ASCC2: variants seen among roughly 807,000 people sequenced by gnomAD.
The protein encoded by ASCC2 is activating signal cointegrator 1 complex subunit 2.
Under a neutral mutation model 93.5 loss-of-function variants are expected in ASCC2, and 42 were observed. The observed-to-expected ratio is 0.45, with a 90% CI of 0.35 to 0.58. The LOEUF (loss-of-function observed/expected upper bound fraction) is 0.58. ASCC2 is among the 20% of genes least tolerant of loss of function. ASCC2 has a pLI of 0.00. For synonymous variants in ASCC2, 364 were observed against 384.2 expected (o/e 0.95, Z 0.62); for missense variants, 859 against 977.6 (o/e 0.88, Z 1.62).
rs760180443 is a variant in ASCC2, at chr22:29,793,397, T to C, written c.1882A>G (p.Asn628Asp). The change falls in exon 17 of 20, where the codon AAT (asparagine) becomes GAT (aspartate). Residue 628 changes from asparagine to aspartate, a missense_variant. Asn to Asp is a conservative substitution (Grantham distance 23). Transcript: ENST00000307790. ...DTYDGNQVGA[N>D]DADSDDELIS... The stretch of plus-strand genomic sequence containing the variant: ...AGCTCGTCATCAGAGTCTGCATCAT[T>C]GGCGCCCACCTGGTTGCCATCGTAT... 13 of 1,613,878 alleles carry C rather than the reference T, an allele frequency of 8.1e-6. No homozygotes were observed. The highest frequency in any genetic ancestry group is 1.0e-5 in the Non-Finnish European group (12 of 1,180,030).
chr22:29,826,298 T>C (rs2062309951), intron 2 of ASCC2, among the ~76,000 whole-genome samples: 1 of 151,764 alleles, frequency 6.6e-6, no homozygotes, highest in Admixed American at 6.6e-5. Flanking sequence ...AGAACATATA[T>C]TCATATATTA....
chr22:29,801,914 A>G, intron 14 of ASCC2, 80 bp downstream of exon 14: 1 of 1,195,776 alleles, frequency 8.4e-7, no homozygotes, highest in Non-Finnish European at 1.2e-6. Context: ...TGGGCCATGA[A>G]TGAGGGAAGG....
At chr22:29,794,609 T>C (rs545507748) in intron 15 of ASCC2, among the ~76,000 whole-genome samples, 1 of 152,354 alleles carries the variant, frequency 6.6e-6, no homozygotes, top group East Asian at 1.9e-4. Context: ...TGATTAGGGA[T>C]TTTCTTTTCA....
At chr22:29,813,409 C>A (rs1040235411) in intron 8 of ASCC2, 21 bp downstream of exon 8, 32 of 1,498,068 alleles carry the variant, frequency 2.1e-5, no homozygotes, top group Non-Finnish European at 3.0e-5. Context: ...TCTATTTCAA[C>A]AGCCAGAACT....
chr22:29,802,003 T>C lies in ASCC2; in HGVS notation c.1559A>G (p.Asn520Ser), dbSNP rs538368207. ...CACCTGTCTCTCCCACCTGTCTAGG[T>C]TGCGGTCCAGCTGGCTGAGGGTGGG... ...LAPTLSQLDR[N>S]LDREMKPDPT... is the part of the protein sequence containing the mutation. Residue 520 changes from asparagine to serine, a missense_variant, in exon 14 of 20, where the codon AAC becomes AGC. Transcript: ENST00000307790. The C allele has an allele frequency of 1.5e-5, 24 of 1,593,014 alleles. No homozygotes were observed. In the South Asian group the frequency reaches 2.0e-4, roughly 14 times the overall value.
At chr22:29,832,897 C>T (rs1201861622) in intron 1 of ASCC2, among the ~76,000 whole-genome samples, 2 of 152,128 alleles carry the variant, frequency 1.3e-5, no homozygotes, top group African/African-American at 2.4e-5. Flanking sequence ...TGCACCACTA[C>T]GGCCAGCTAA....
intron 5 of ASCC2, among the ~76,000 whole-genome samples, chr22:29,818,228 C>T (rs375975804): frequency 5.9e-5 from 9 of 151,962 alleles, no homozygotes; most frequent in African/African-American, 1.2e-4. Flanking sequence ...ACTGAGTTTC[C>T]GCGGTATAGA....
intron 6 of ASCC2, 147 bp downstream of exon 6, chr22:29,815,859 A>ATCCCAGCTACTTGAGAGGCTGAG: frequency 1.5e-6 from 1 of 679,172 alleles, no homozygotes; most frequent in Non-Finnish European, 2.5e-6. Context: ...GTCAGGGGTA[A>ATCCCAGCTACTTGAGAGGCTGAG]GACAAAGAGA....
chr22:29,825,246 G>C lies in ASCC2; in HGVS notation c.252C>G (p.Asp84Glu). ...HDKFWCQVIF[D>E]ETLQKCLDSY... is the part of the protein sequence containing the mutation. ...AGTCCAGGCACTTCTGTAGAGTCTCGTCAAAGATCACCTAAACCAGGAGAC... is the reference window on the plus strand; with the variant it reads ...AGTCCAGGCACTTCTGTAGAGTCTCCTCAAAGATCACCTAAACCAGGAGAC... Residue 84 changes from aspartate to glutamate, a missense_variant, in exon 4 of 20, where the codon GAC becomes GAG. Transcript: ENST00000307790. This position sits in a 1 kb window ranked among gnomAD's most constrained non-coding sequence, Gnocchi z 4.9. 6.6e-7 allele frequency: 1 copy of C among 1,516,948 alleles called. No homozygotes were observed. The highest frequency in any genetic ancestry group is 1.3e-5 in the South Asian group (1 of 75,890). The allele number at this position is 1,516,948 out of a possible 1,614,324, so 94.0% of individuals were successfully genotyped here.
intron 4 of ASCC2, among the ~76,000 whole-genome samples, chr22:29,824,079 C>A (rs1378713510): frequency 6.6e-6 from 1 of 151,930 alleles, no homozygotes; most frequent in Non-Finnish European, 1.5e-5. Flanking sequence ...GTCCCAGCTA[C>A]TTTGGAGGCT....
chr22:29,789,609 AG>A (rs2068664128), intron 19 of ASCC2, among the ~76,000 whole-genome samples: 3 of 152,194 alleles, frequency 2.0e-5, no homozygotes. Flanking sequence ...GATGTGACCT[AG>A]GGCCCTTTCA....
At chr22:29,808,261 C>G in intron 8 of ASCC2, 76 bp from the exon 9 acceptor site, 3 of 1,458,988 alleles carry the variant, frequency 2.1e-6, no homozygotes, top group Non-Finnish European at 2.9e-6. Context: ...AAAGCAAACC[C>G]CAGGGAGTGG....
intron 8 of ASCC2, among the ~76,000 whole-genome samples, chr22:29,808,932 C>T (rs956730326): frequency 2.6e-5 from 4 of 151,746 alleles, no homozygotes; most frequent in Non-Finnish European, 5.9e-5. Flanking sequence ...CCAGCCTGGC[C>T]AACATGGTGA....
Position 29,789,193 on chromosome 22 carries a change from G to C in ASCC2, c.2103-9C>G. The C allele has an allele frequency of 6.2e-7, 1 of 1,614,058 alleles. No homozygotes were observed. The highest frequency in any genetic ancestry group is 8.5e-7 in the Non-Finnish European group (1 of 1,179,978). On this transcript the variant is annotated splice_polypyrimidine_tract_variant and intron_variant, in intron 19 of 19. Transcript: ENST00000307790. ...AGCTGTCATGCCGGTACCTGAGGGAGGAACAACCCACCCCACGAGAACCTG... is the reference window on the plus strand; with the variant it reads ...AGCTGTCATGCCGGTACCTGAGGGACGAACAACCCACCCCACGAGAACCTG...
At chr22:29,816,125 A>G (rs1292566600) in intron 5 of ASCC2, 52 bp from the exon 6 acceptor site, 7 of 1,408,510 alleles carry the variant, frequency 5.0e-6, no homozygotes, top group African/African-American at 2.8e-5. Flanking sequence ...GGCTCGGGGC[A>G]GTGAAGAGGA....
At position 29,814,671 on chromosome 22, in the gene ASCC2, C is replaced by T. The variant is rs757171100; in HGVS notation, c.706G>A (p.Asp236Asn). 5.6e-6 allele frequency: 9 copies of T among 1,602,484 alleles called. No individual in the cohort carries two copies. The highest frequency in any genetic ancestry group is 7.7e-6 in the Non-Finnish European group (9 of 1,175,700). The change falls in exon 7 of 20, where the codon GAC (aspartate) becomes AAC (asparagine). Residue 236 changes from aspartate to asparagine, a missense_variant. By Grantham distance (23) the Asp-to-Asn change is conservative. Transcript: ENST00000307790. ...LEERGRLTPSDMPLLELKDIV... is the reference protein window; with the variant it reads ...LEERGRLTPSNMPLLELKDIV... Reference sequence around the variant, plus strand: ...GGCAACCTTACCAGGAGAGGCATGTCACTGGGGGTCAATCGGCCCCTCTCC... The same window carrying T: ...GGCAACCTTACCAGGAGAGGCATGTTACTGGGGGTCAATCGGCCCCTCTCC...
At position 29,800,072 on chromosome 22, in the gene ASCC2, C is replaced by T. The variant is rs377518798; in HGVS notation, c.1688+919G>A. On this transcript the variant is annotated intron_variant, in intron 15 of 19. Transcript: ENST00000307790. ...CAAAGTGCTGGGACTAGGCATGAGCCGCTGCACCCAGCCCTGATCTTTTCA... is the reference window on the plus strand; with the variant it reads ...CAAAGTGCTGGGACTAGGCATGAGCTGCTGCACCCAGCCCTGATCTTTTCA... 9.4e-4 allele frequency among the ~76,000 whole-genome samples: 143 copies of T among 152,326 alleles called. 1 individual carries two copies. The East Asian group carries it at 0.018, about 19-fold the overall frequency.
At chr22:29,827,647 G>A (rs1445695588) in intron 2 of ASCC2, 1 of 468,884 alleles carries the variant, frequency 2.1e-6, no homozygotes, top group African/African-American at 2.0e-5. Context: ...CAAAACAACT[G>A]TCAGGAGCCG....
At chr22:29,806,322 A>G in intron 11 of ASCC2, 32 bp from the exon 12 acceptor site, 5 of 1,608,250 alleles carry the variant, frequency 3.1e-6, no homozygotes, top group Non-Finnish European at 4.3e-6. Context: ...TGGGATGGAC[A>G]GAGCTGGGGC....
Sources: gnomAD v4.1 joint callset for allele counts (sites outside exome capture counted in the v4.1 genomes callset) on GRCh38, gnomAD v4.1.1 for gene constraint, Gnocchi (gnomAD v3.1) non-coding constraint, MANE v1.5 for transcripts, NCBI Gene and HGNC (gene_info 2026-07-23, HGNC 2026-07-21) for gene names.